STRN3: variants seen among roughly 807,000 people sequenced by gnomAD.
STRN3 encodes the protein striatin-3.
In STRN3, 29 loss-of-function variants were observed where a neutral mutation model predicts 95.6. The ratio of observed to expected loss-of-function variants is 0.30; its 90% confidence interval spans 0.23 to 0.41. The LOEUF (loss-of-function observed/expected upper bound fraction) is 0.41. Ranked by LOEUF, STRN3 falls within the 10% of genes least tolerant of loss-of-function variation. The pLI is 1.00. For synonymous variants in STRN3, 331 were observed against 357.6 expected (o/e 0.93, Z 0.84); for missense variants, 890 against 972.1 (o/e 0.92, Z 1.12).
At chr14:31,024,401 A>G (rs1883677653) in intron 1 of STRN3, among the ~76,000 whole-genome samples, 3 of 152,232 alleles carry the variant, frequency 2.0e-5, no homozygotes, top group Admixed American at 6.5e-5. Context: ...AATTCTATAA[A>G]TTTTAAGTAT....
At chr14:30,914,299 G>A (rs1896680322) in intron 9 of STRN3, among the ~76,000 whole-genome samples, 1 of 152,132 alleles carries the variant, frequency 6.6e-6, no homozygotes, top group Non-Finnish European at 1.5e-5. Flanking sequence ...AACAATGTCA[G>A]TTTCCTTTCT....
At position 31,025,903 on chromosome 14, in the gene STRN3, C is replaced by T; in HGVS notation, c.282+1G>A. 6.2e-7 allele frequency: 1 copy of T among 1,600,226 alleles called. No individual in the cohort carries two copies. The highest frequency in any genetic ancestry group is 8.5e-7 in the Non-Finnish European group (1 of 1,173,984). Reference sequence around the variant, plus strand: ...CCCGCACACCGACCCCAACGAGGTACCTGCAGTTCGGCCCGTTCCACCTCC... The same window carrying T: ...CCCGCACACCGACCCCAACGAGGTATCTGCAGTTCGGCCCGTTCCACCTCC... On this transcript the variant is annotated splice_donor_variant, in intron 1 of 17. Coordinates refer to ENST00000357479, the MANE Select transcript of STRN3 (RefSeq NM_001083893.2). LOFTEE classifies it high-confidence loss of function.
intron 1 of STRN3, among the ~76,000 whole-genome samples, chr14:31,020,019 G>C (rs914265021): frequency 2.6e-4 from 40 of 151,464 alleles, no homozygotes; most frequent in African/African-American, 9.2e-4. Context: ...CACCACACCT[G>C]GCCAGTTCAC....
intron 7 of STRN3, among the ~76,000 whole-genome samples, chr14:30,929,881 C>A (rs1177928590): frequency 1.4e-5 from 2 of 147,554 alleles, no homozygotes; most frequent in Admixed American, 6.8e-5. Context: ...ATTCAGAGTC[C>A]CACCTCTGCC....
intron 1 of STRN3, among the ~76,000 whole-genome samples, chr14:30,976,202 AAAAGT>A (rs1371637544): frequency 6.6e-6 from 1 of 152,248 alleles, no homozygotes; most frequent in Non-Finnish European, 1.5e-5. Context: ...GAAAATAACA[AAAAGT>A]AAATGAATGG....
chr14:30,911,375 C>A (rs187427566), intron 12 of STRN3, among the ~76,000 whole-genome samples: 109 of 145,588 alleles, frequency 7.5e-4, no homozygotes, highest in African/African-American at 2.5e-3. Flanking sequence ...GATCTCTGCT[C>A]AGTAAAACCT....
intron 1 of STRN3, among the ~76,000 whole-genome samples, chr14:31,000,759 G>A (rs1164523829): frequency 6.6e-6 from 1 of 151,520 alleles, no homozygotes. Context: ...CTATCCACTA[G>A]AATTTAAGCT....
chr14:30,929,719 G>GT (rs1878386182), intron 7 of STRN3, among the ~76,000 whole-genome samples: 1 of 151,884 alleles, frequency 6.6e-6, no homozygotes, highest in African/African-American at 2.4e-5. Context: ...AGCTAGAAAG[G>GT]TAAGTGCTGT....
intron 1 of STRN3, among the ~76,000 whole-genome samples, chr14:31,010,115 A>G (rs1359436019): frequency 6.6e-6 from 1 of 152,246 alleles, no homozygotes; most frequent in African/African-American, 2.4e-5. Context: ...TCTAAAAAAC[A>G]AAAGTAAAAT....
chr14:30,996,345 C>T (rs1175080883), intron 1 of STRN3, among the ~76,000 whole-genome samples: 3 of 152,176 alleles, frequency 2.0e-5, no homozygotes, highest in Non-Finnish European at 2.9e-5. Flanking sequence ...GTTAAAACTT[C>T]CACTGGTGGT....
chr14:30,996,848 A>G (rs1302306565), intron 1 of STRN3, among the ~76,000 whole-genome samples: 1 of 151,950 alleles, frequency 6.6e-6, no homozygotes, highest in African/African-American at 2.4e-5. Flanking sequence ...GCTGGGTGAC[A>G]GAGCGAGACT....
chr14:30,957,995 A>C (rs989393744), intron 1 of STRN3, among the ~76,000 whole-genome samples: 1 of 146,224 alleles, frequency 6.8e-6, no homozygotes, highest in Non-Finnish European at 1.5e-5. Context: ...ACTAATAAAA[A>C]CACCTAAGTA....
chr14:30,985,614 A>T (rs982078539), intron 1 of STRN3, among the ~76,000 whole-genome samples: 42 of 143,284 alleles, frequency 2.9e-4, no homozygotes, highest in Non-Finnish European at 5.2e-4. Context: ...AAAAAAAAAA[A>T]TTGATCTTTG....
intron 1 of STRN3, among the ~76,000 whole-genome samples, chr14:30,984,491 T>C (rs1881581206): frequency 2.6e-5 from 4 of 152,006 alleles, no homozygotes; most frequent in Admixed American, 2.0e-4. Context: ...CATTACTTAG[T>C]ACTAGCTCAT....
At chr14:30,961,645 C>T (rs921522218) in intron 1 of STRN3, among the ~76,000 whole-genome samples, 1 of 152,210 alleles carries the variant, frequency 6.6e-6, no homozygotes, top group East Asian at 1.9e-4. Context: ...ATTTACTATA[C>T]ATTTTTGTTT....
At chr14:30,980,791 ATTT>A (rs529451732) in intron 1 of STRN3, among the ~76,000 whole-genome samples, 1 of 152,144 alleles carries the variant, frequency 6.6e-6, no homozygotes, top group Non-Finnish European at 1.5e-5. Flanking sequence ...CTTTAAAAAA[ATTT>A]TTTTAACTAA....
At chr14:30,935,444 A>T in intron 6 of STRN3, 140 bp from the exon 7 acceptor site, 1 of 866,194 alleles carries the variant, frequency 1.2e-6, no homozygotes, top group Non-Finnish European at 1.7e-6. Context: ...GTAATTCACA[A>T]ATCCCAAATT....
chr14:30,992,795 T>A (rs145944248), intron 1 of STRN3, among the ~76,000 whole-genome samples: 204 of 152,180 alleles, frequency 1.3e-3, no homozygotes, highest in African/African-American at 4.6e-3. Context: ...GGTAAGATTG[T>A]TTGAGCCCAA....
chr14:30,918,666 A>G (rs1489146188), intron 9 of STRN3, among the ~76,000 whole-genome samples: 1 of 152,190 alleles, frequency 6.6e-6, no homozygotes, highest in African/African-American at 2.4e-5. Flanking sequence ...GTTTTTATAA[A>G]TTACTATTTT....
Sources: allele counts gnomAD v4.1 joint callset (sites outside exome capture counted in the v4.1 genomes callset), GRCh38; gene constraint gnomAD v4.1.1; transcripts MANE v1.5; gene names NCBI Gene and HGNC (gene_info 2026-07-23, HGNC 2026-07-21).